SUGCT: variants seen among roughly 807,000 people sequenced by gnomAD.
The protein encoded by SUGCT is succinyl-CoA:glutarate-CoA transferase.
SUGCT carries 41 observed loss-of-function variants against 55.0 expected under a neutral mutation model. The ratio of observed to expected loss-of-function variants is 0.74; its 90% CI spans 0.58 to 0.97. The LOEUF (loss-of-function observed/expected upper bound fraction) is 0.97. Ranked by LOEUF, SUGCT falls within the 50% of genes least tolerant of loss-of-function variation. SUGCT has a pLI of 0.00. For synonymous variants in SUGCT, 187 were observed against 200.4 expected (o/e 0.93, Z 0.56); for missense variants, 568 against 547.8 (o/e 1.04, Z -0.37).
At chr7:40,672,710 C>T (rs1802000148) in intron 12 of SUGCT, among the ~76,000 whole-genome samples, 1 of 152,118 alleles carries the variant, frequency 6.6e-6, no homozygotes, top group Admixed American at 6.5e-5. Context: ...CAAGATGTTA[C>T]CATTGAAGGA....
intron 8 of SUGCT, among the ~76,000 whole-genome samples, chr7:40,291,105 C>G (rs1490807294): frequency 6.6e-6 from 1 of 152,092 alleles, no homozygotes; most frequent in African/African-American, 2.4e-5. Context: ...GGTGATTCCT[C>G]AGGGATCTCG....
At chr7:40,697,321 G>A (rs991403248) in intron 12 of SUGCT, among the ~76,000 whole-genome samples, 7 of 152,128 alleles carry the variant, frequency 4.6e-5, no homozygotes, top group African/African-American at 9.7e-5. Flanking sequence ...TGAAATGAAG[G>A]TATGTAGTAG....
At chr7:40,799,523 G>T (rs1050728090) in intron 13 of SUGCT, among the ~76,000 whole-genome samples, 1 of 152,114 alleles carries the variant, frequency 6.6e-6, no homozygotes, top group African/African-American at 2.4e-5. Context: ...CATGTGAAAC[G>T]CTTTACCATT....
At chr7:40,720,038 G>A (rs777609895) in intron 12 of SUGCT, among the ~76,000 whole-genome samples, 1 of 151,930 alleles carries the variant, frequency 6.6e-6, no homozygotes, top group Non-Finnish European at 1.5e-5. Flanking sequence ...CACCTGCCTC[G>A]GCCTCCCAAA....
chr7:40,135,352 G>T (rs1370704961), intron 1 of SUGCT, among the ~76,000 whole-genome samples: 1 of 152,244 alleles, frequency 6.6e-6, no homozygotes, highest in Admixed American at 6.5e-5. Flanking sequence ...TCCGTGCGCC[G>T]TGGGGTCCCG....
At chr7:41,029,545 C>T in the SUGCT span, among the ~76,000 whole-genome samples, 2 of 152,318 alleles carry the variant, frequency 1.3e-5, no homozygotes, top group Admixed American at 1.3e-4. Context: ...ACTCCCTTGC[C>T]TTCCTTCTAG....
chr7:40,408,304 C>T (rs1786489932), intron 9 of SUGCT, among the ~76,000 whole-genome samples: 1 of 152,008 alleles, frequency 6.6e-6, no homozygotes, highest in Non-Finnish European at 1.5e-5. Flanking sequence ...ATTTAGGAAA[C>T]CTAGTCCTTA....
intron 12 of SUGCT, among the ~76,000 whole-genome samples, chr7:40,594,211 A>G (rs1438045982): frequency 6.6e-6 from 1 of 152,028 alleles, no homozygotes; most frequent in African/African-American, 2.4e-5. Flanking sequence ...GCATTGGGAG[A>G]GATCCCTAAT....
At chr7:40,599,398 C>T (rs2151750071) in intron 12 of SUGCT, among the ~76,000 whole-genome samples, 1 of 152,216 alleles carries the variant, frequency 6.6e-6, no homozygotes, top group South Asian at 2.1e-4. Context: ...CACCAAATTG[C>T]AGTGGTTTAC....
At chr7:40,883,660 A>G in the SUGCT span, among the ~76,000 whole-genome samples, 1 of 152,256 alleles carries the variant, frequency 6.6e-6, no homozygotes, top group Non-Finnish European at 1.5e-5. Context: ...TGTTGTAAAT[A>G]GTGTTAAATT....
At chr7:40,595,100 A>G (rs1207178389) in intron 12 of SUGCT, among the ~76,000 whole-genome samples, 1 of 152,186 alleles carries the variant, frequency 6.6e-6, no homozygotes, top group Non-Finnish European at 1.5e-5. Flanking sequence ...AAACCAAAAA[A>G]TTTAAAAATT....
chr7:40,605,140 G>C (rs949050269), intron 12 of SUGCT, among the ~76,000 whole-genome samples: 1 of 152,362 alleles, frequency 6.6e-6, no homozygotes, highest in African/African-American at 2.4e-5. Context: ...ACCAGCATAA[G>C]ACGATGGCCA....
chr7:40,188,474 A>AGG, intron 3 of SUGCT, 21 bp from the exon 4 acceptor site: 2 of 1,461,452 alleles, frequency 1.4e-6, no homozygotes, highest in Non-Finnish European at 1.9e-6. Context: ...AAAGATTAAT[A>AGG]GCTCATGTTA....
chr7:40,649,615 A>C (rs1800679677), intron 12 of SUGCT, among the ~76,000 whole-genome samples: 1 of 152,000 alleles, frequency 6.6e-6, no homozygotes, highest in Admixed American at 6.6e-5. Context: ...TTAAAGATAG[A>C]TTGATTGTTG....
At chr7:40,673,399 GCTCTGA>G (rs1251323647) in intron 12 of SUGCT, among the ~76,000 whole-genome samples, 1 of 152,150 alleles carries the variant, frequency 6.6e-6, no homozygotes, top group Non-Finnish European at 1.5e-5. Context: ...TCTCTTTGCT[GCTCTGA>G]CTCTAACTTC....
chr7:40,477,577 T>A (rs896461558), intron 11 of SUGCT, among the ~76,000 whole-genome samples: 2 of 152,194 alleles, frequency 1.3e-5, no homozygotes, highest in African/African-American at 4.8e-5. Flanking sequence ...ACCATTTTCA[T>A]GTTGGTGTAT....
chr7:40,783,708 T>C (rs756391543), intron 13 of SUGCT: 45 of 152,094 alleles, frequency 3.0e-4, no homozygotes, highest in African/African-American at 7.7e-4. Flanking sequence ...AATAGTCCCA[T>C]TGATGAATTA....
chr7:40,475,526 T>C (rs1790618527), intron 11 of SUGCT, among the ~76,000 whole-genome samples: 1 of 152,196 alleles, frequency 6.6e-6, no homozygotes, highest in African/African-American at 2.4e-5. Flanking sequence ...CTTGGCATTA[T>C]TTGCTTTAAG....
intron 1 of SUGCT, among the ~76,000 whole-genome samples, chr7:40,159,029 C>T (rs1206481427): frequency 1.3e-5 from 2 of 152,210 alleles, no homozygotes; most frequent in African/African-American, 2.4e-5. Context: ...GATCCTCCTA[C>T]CTCAGCCTGC....
Sources: allele counts gnomAD v4.1 joint callset (sites outside exome capture counted in the v4.1 genomes callset), GRCh38; gene constraint gnomAD v4.1.1; transcripts MANE v1.5; gene names NCBI Gene and HGNC (gene_info 2026-07-23, HGNC 2026-07-21).